The following ATG2A variants were observed in gnomAD, a reference collection of about 807,000 sequenced individuals.
ATG2A encodes autophagy-related protein 2 homolog A.
In ATG2A, 103 loss-of-function variants were observed where a neutral mutation model predicts 214.2. The observed-to-expected ratio is 0.48, with a 90% confidence interval of 0.41 to 0.57. The LOEUF (loss-of-function observed/expected upper bound fraction) is 0.57, where lower values mean the gene tolerates loss of function less well. ATG2A is among the 20% of genes least tolerant of loss of function. The probability of loss-of-function intolerance (pLI) is 0.00; values close to 1 mark genes in which losing one functional copy is unlikely to be tolerated. For synonymous variants in ATG2A, 1,160 were observed against 1,142.1 expected (o/e 1.02, Z -0.32); for missense variants, 2,312 against 2,613.2 (o/e 0.88, Z 2.51).
chr11:64,907,057 GT>G (rs1386826380), intron 19 of ATG2A, among the ~76,000 whole-genome samples, 197 bp downstream of exon 19: 19 of 152,234 alleles, frequency 1.2e-4, no homozygotes, highest in Non-Finnish European at 2.4e-4. Flanking sequence ...CCCTAGCATG[GT>G]GCTTTACATA....
At chr11:64,905,871 A>C in intron 22 of ATG2A, 23 bp from the exon 23 acceptor site, 1 of 1,607,720 alleles carries the variant, frequency 6.2e-7, no homozygotes. Flanking sequence ...GGGCAGGAGG[A>C]AGCAGTGAGG....
At chr11:64,910,975 G>C in intron 10 of ATG2A, 21 bp from the exon 11 acceptor site, 1 of 1,613,494 alleles carries the variant, frequency 6.2e-7, no homozygotes, top group Non-Finnish European at 8.5e-7. Flanking sequence ...GAGGACAGGC[G>C]TCAGAAGGTG....
At chr11:64,907,915 C>G (rs776595579) in intron 16 of ATG2A, 25 bp from the exon 17 acceptor site, 1 of 1,603,768 alleles carries the variant, frequency 6.2e-7, no homozygotes, top group South Asian at 1.1e-5. Flanking sequence ...GTGGAAAGAG[C>G]AGGAGAGTCA....
Position 64,898,186 on chromosome 11 carries a change from C to A in ATG2A, c.4774-16G>T. 1.2e-6 allele frequency: 2 copies of A among 1,613,938 alleles called. No individual in the cohort carries two copies. The highest frequency in any genetic ancestry group is 2.7e-5 in the African/African-American group (2 of 75,026). ...AGAGGGCATCCTGCAAGGGAGAGGT[C>A]CAGATGTGGATCAGACTCAGAGGCC... On this transcript the variant is annotated splice_polypyrimidine_tract_variant and intron_variant, in intron 33 of 40. Transcript: ENST00000377264. This position sits in a 1 kb window ranked among gnomAD's most constrained non-coding sequence, Gnocchi z 4.5.
intron 31 of ATG2A, among the ~76,000 whole-genome samples, chr11:64,899,732 C>G (rs1196853735): frequency 6.6e-6 from 1 of 152,148 alleles, no homozygotes; most frequent in Non-Finnish European, 1.5e-5. Flanking sequence ...AGCCCCACCC[C>G]ACAGAGGCCT....
At chr11:64,907,150 C>T in intron 19 of ATG2A, 105 bp downstream of exon 19, 1 of 1,350,008 alleles carries the variant, frequency 7.4e-7, no homozygotes, top group Non-Finnish European at 9.8e-7. Context: ...CCACTCAGGC[C>T]TCCTGCTCTC....
chr11:64,912,288 T>TTGCC, intron 7 of ATG2A, 39 bp from the exon 8 acceptor site: 6 of 1,471,248 alleles, frequency 4.1e-6, no homozygotes, highest in Non-Finnish European at 4.7e-6. Flanking sequence ...TGGCTGGCCC[T>TTGCC]CCCAGCCACC....
At position 64,906,321 on chromosome 11, in the gene ATG2A, G is replaced by A. The variant is rs761587277; in HGVS notation, c.3183+13C>T. On this transcript the variant is annotated intron_variant, in intron 21 of 40. Transcript: ENST00000377264. ...AGGCTAGCAGGAGGGGTGGATGGTA[G>A]GCAAGCCCATACCTTCACATTCTTG... 6.8e-6 allele frequency: 11 copies of A among 1,612,184 alleles called. No homozygotes were observed. The highest frequency in any genetic ancestry group is 9.3e-6 in the Non-Finnish European group (11 of 1,179,202).
At position 64,917,092 on chromosome 11, in the gene ATG2A, C is replaced by G; in HGVS notation, c.44G>C (p.Arg15Pro). ...GTGGTGCAGCAAGTAGCGGCAGACC[C>G]GCTCTTTCACACAGTTTGACCATGG... ...LWPWSNCVKERVCRYLLHHYL... is the reference protein window; with the variant it reads ...LWPWSNCVKEPVCRYLLHHYL... The change falls in exon 1 of 41, where the codon CGG (arginine) becomes CCG (proline). Residue 15 changes from arginine (R) to proline (P), a missense_variant. By Grantham distance (103) the Arg-to-Pro change is moderately radical. Transcript: ENST00000377264. 6.2e-7 allele frequency: 1 copy of G among 1,613,256 alleles called. No individual in the cohort carries two copies. Among genetic ancestry groups the G allele is most frequent in the South Asian group, 1.1e-5 (1 of 91,064 alleles).
At position 64,902,291 on chromosome 11, in the gene ATG2A, CTCGGTGTCCAGGAGGGCGTCGG is replaced by C; in HGVS notation, c.3851_3872del (p.Ala1284GlyfsTer47). ...GCTGGGCCAGCTCCCGTAGGCTGCG[CTCGGTGTCCAGGAGGGCGTCGG>C]CCAGGTCACGCTGGTTGATGAGGGC... On this transcript the variant is annotated frameshift_variant, in exon 28 of 41. Coordinates refer to ENST00000377264, the MANE Select transcript of ATG2A (RefSeq NM_015104.3). LOFTEE classifies it high-confidence loss of function. 2 of 1,612,870 alleles carry C rather than the reference CTCGGTGTCCAGGAGGGCGTCGG, an allele frequency of 1.2e-6. No individual in the cohort carries two copies. Among genetic ancestry groups the C allele is most frequent in the Non-Finnish European group, 1.7e-6 (2 of 1,179,982 alleles).
At chr11:64,901,630 C>T (rs147995865) in intron 29 of ATG2A, among the ~76,000 whole-genome samples, 2 of 152,260 alleles carry the variant, frequency 1.3e-5, no homozygotes, top group Non-Finnish European at 2.9e-5. Context: ...CAGACATTCC[C>T]ACTGGCCCTT....
In ATG2A at chr11:64,898,250, A is replaced by G. The variant is rs1389311241; in HGVS notation, c.4773+11T>C. On this transcript the variant is annotated intron_variant, in intron 33 of 40. Transcript: ENST00000377264. This position sits in a 1 kb window ranked among gnomAD's most constrained non-coding sequence, Gnocchi z 4.5. ...GTCACCCTAGGCTCTGCCCTCACGTAGACCACTCACCTGGTCCACATTGAG... is the reference window on the plus strand; with the variant it reads ...GTCACCCTAGGCTCTGCCCTCACGTGGACCACTCACCTGGTCCACATTGAG... 6.2e-7 allele frequency: 1 copy of G among 1,613,604 alleles called. No homozygotes were observed. The highest frequency in any genetic ancestry group is 1.3e-5 in the African/African-American group (1 of 74,902).
At chr11:64,915,311 G>C (rs930177506) in intron 1 of ATG2A, among the ~76,000 whole-genome samples, 1 of 152,128 alleles carries the variant, frequency 6.6e-6, no homozygotes, top group Non-Finnish European at 1.5e-5. Flanking sequence ...CCCAGAAAGG[G>C]CCTCAGTAAA....
In ATG2A at chr11:64,908,989, ACCT is replaced by A; in HGVS notation, c.2363_2364+1del. ...CTGGGAAGAGGTGGGGCCAAGTCTC[ACCT>A]CCTCTGTCTCATACATGGTCCTCTT... On this transcript the variant is annotated splice_donor_variant and coding_sequence_variant, in exon 16 of 41. Transcript: ENST00000377264. LOFTEE classifies it high-confidence loss of function. The A allele has an allele frequency of 6.4e-7, 1 of 1,572,468 alleles. No individual in the cohort carries two copies. Among genetic ancestry groups the A allele is most frequent in the African/African-American group, 1.3e-5 (1 of 74,094 alleles).
rs150160677 is a variant in ATG2A at position 64,901,033 on chromosome 11, G to A, written c.4179C>T (p.Asp1393=). The part of the protein sequence containing the change: ...QLHPGPIVVR[D]GYFSRPIGST... ...TGCCGATCGGCCGTGAGAAGTAACC[G>A]TCCCTCACAACGATGGGGCCGGGAT... The change falls in exon 30 of 41, where the codon GAC becomes GAT. Residue 1393 remains aspartate (D), a synonymous_variant. Coordinates refer to ENST00000377264, the MANE Select transcript of ATG2A (RefSeq NM_015104.3). The A allele has an allele frequency of 1.6e-4, 262 of 1,588,784 alleles. 2 individuals are homozygous for A. In the African/African-American group the frequency reaches 3.1e-3, roughly 19 times the overall value.
At position 64,912,339 on chromosome 11, in the gene ATG2A, C is replaced by T. The variant is rs568458915; in HGVS notation, c.910G>A (p.Val304Met). The change falls in exon 7 of 41, where the codon GTG (valine) becomes ATG (methionine). Residue 304 changes from valine (V) to methionine (M), a missense_variant. Transcript: ENST00000377264. ...CCAGGGGCCTCACCTGTAAGGCTCACGGCGCTGAGCAGTTCCTGAAGTTGC... is the reference window on the plus strand; with the variant it reads ...CCAGGGGCCTCACCTGTAAGGCTCATGGCGCTGAGCAGTTCCTGAAGTTGC... ...LQQLQELLSA[V>M]SLTDHEGLAD... is the part of the protein sequence containing the mutation. 191 of 1,587,446 alleles carry T rather than the reference C, an allele frequency of 1.2e-4. 1 individual carries two copies. In the South Asian group the frequency reaches 1.9e-3, roughly 16 times the overall value.
At position 64,910,870 on chromosome 11, in the gene ATG2A, G is replaced by T; in HGVS notation, c.1551C>A (p.Phe517Leu). ...GRRTTSMEVH[F>L]GQLEVLECLW... ...GACACTCCAGCACCTCCAGCTGCCC[G>T]AAGTGCACTTCCATGCTGGTTGTCC... The change falls in exon 11 of 41, where the codon TTC (phenylalanine) becomes TTA (leucine). Residue 517 changes from phenylalanine to leucine, a missense_variant. By Grantham distance (22) the Phe-to-Leu change is conservative (BLOSUM62 0). Transcript: ENST00000377264. 1 of 1,609,360 alleles carries T rather than the reference G, an allele frequency of 6.2e-7. No homozygotes were observed. Among genetic ancestry groups the T allele is most frequent in the Non-Finnish European group, 8.5e-7 (1 of 1,178,394 alleles).
intron 14 of ATG2A, 135 bp from the exon 15 acceptor site, chr11:64,909,502 G>T: frequency 1.4e-6 from 2 of 1,393,994 alleles, no homozygotes; most frequent in Non-Finnish European, 9.9e-7. Context: ...AGAGACAAAG[G>T]GTCCACCCTA....
At chr11:64,902,730 C>T (rs759980471) in intron 26 of ATG2A, 50 bp from the exon 27 acceptor site, 2 of 1,536,520 alleles carry the variant, frequency 1.3e-6, no homozygotes, top group African/African-American at 1.4e-5. Context: ...GGGGCCACTG[C>T]CTGCTGGCCC....
Sources: allele counts gnomAD v4.1 joint callset (sites outside exome capture counted in the v4.1 genomes callset), GRCh38; gene constraint gnomAD v4.1.1; non-coding constraint Gnocchi (gnomAD v3.1); transcripts MANE v1.5; gene names NCBI Gene and HGNC (gene_info 2026-07-23, HGNC 2026-07-21).